F5: variants seen among roughly 807,000 people sequenced by gnomAD.
The protein encoded by F5 is activated protein c cofactor.
In F5, 138 loss-of-function variants were observed where a neutral mutation model predicts 216.4. The observed-to-expected ratio is 0.64, with a 90% CI of 0.56 to 0.73. F5 has a LOEUF of 0.73. F5 is among the 30% of genes least tolerant of loss of function. F5 has a pLI of 0.00. For synonymous variants in F5, 916 were observed against 930.7 expected (o/e 0.98, Z 0.29); for missense variants, 2,403 against 2,674.0 (o/e 0.90, Z 2.24).
intron 2 of F5, among the ~76,000 whole-genome samples, chr1:169,577,390 A>C (rs1660878357): frequency 6.6e-6 from 1 of 151,080 alleles, no homozygotes; most frequent in South Asian, 2.1e-4. Context: ...ATTTATTTAG[A>C]GATGAGGTCT....
chr1:169,585,692 CA>C (rs1302151470), intron 1 of F5, among the ~76,000 whole-genome samples: 2 of 152,054 alleles, frequency 1.3e-5, no homozygotes, highest in East Asian at 3.9e-4. Context: ...GGTGAAAGTA[CA>C]AAAACATACA....
chr1:169,554,594 ATATGCAT>A (rs1159449953), intron 7 of F5, among the ~76,000 whole-genome samples: 1 of 152,224 alleles, frequency 6.6e-6, no homozygotes, highest in Non-Finnish European at 1.5e-5. Flanking sequence ...GTCAAAGGGT[ATATGCAT>A]TTAGAATTTT....
chr1:169,527,649 T>G (rs761910347), intron 17 of F5, among the ~76,000 whole-genome samples: 3 of 152,156 alleles, frequency 2.0e-5, no homozygotes, highest in Non-Finnish European at 2.9e-5. Context: ...TGACACACAG[T>G]GGCTTGGGAG....
chr1:169,538,289 T>C (rs540380483), intron 13 of F5, among the ~76,000 whole-genome samples: 63 of 152,160 alleles, frequency 4.1e-4, no homozygotes, highest in South Asian at 1.5e-3. Context: ...AACATTGAGC[T>C]CATAGAAGCA....
intron 17 of F5, among the ~76,000 whole-genome samples, chr1:169,527,565 T>A (rs564741402): frequency 1.1e-4 from 17 of 152,128 alleles, no homozygotes; most frequent in Non-Finnish European, 2.4e-4. Flanking sequence ...CTGGAAACCC[T>A]CCCAGCAGAG....
chr1:169,550,314 G>A (rs1242029210), intron 9 of F5, among the ~76,000 whole-genome samples: 2 of 108,108 alleles, frequency 1.8e-5, no homozygotes, highest in Admixed American at 1.2e-4. Flanking sequence ...AGGCCCCGGT[G>A]TGTGATGTTC....
chr1:169,568,349 G>A (rs528258062), intron 3 of F5, among the ~76,000 whole-genome samples: 2 of 151,980 alleles, frequency 1.3e-5, no homozygotes, highest in African/African-American at 2.4e-5. Flanking sequence ...AGACAATTGG[G>A]GTGTAATTTT....
At position 169,528,049 on chromosome 1, in the gene F5, TCATA is replaced by T; in HGVS notation, c.5461_5464del (p.Tyr1821SerfsTer5). 1 of 1,613,896 alleles carries T rather than the reference TCATA, an allele frequency of 6.2e-7. No homozygotes were observed. The highest frequency in any genetic ancestry group is 8.5e-7 in the Non-Finnish European group (1 of 1,179,836). Reference sequence around the variant, plus strand: ...CAGGTGTAACCTCACCCACTCTTGCTCATACATTTTCAGGCCAGGCAAGCTGTAG... The same window carrying T: ...CAGGTGTAACCTCACCCACTCTTGCTCATTTTCAGGCCAGGCAAGCTGTAG... On this transcript the variant is annotated frameshift_variant, in exon 17 of 25. Coordinates refer to ENST00000367797, the MANE Select transcript of F5 (RefSeq NM_000130.5). LOFTEE classifies it high-confidence loss of function.
intron 22 of F5, among the ~76,000 whole-genome samples, chr1:169,519,373 T>C (rs920534312): frequency 6.6e-6 from 1 of 152,206 alleles, no homozygotes; most frequent in Non-Finnish European, 1.5e-5. Context: ...CAGAATTGAA[T>C]GTCACATTTT....
intron 18 of F5, 113 bp downstream of exon 18, chr1:169,525,788 G>T (rs1571562594): frequency 2.5e-6 from 2 of 811,562 alleles, no homozygotes; most frequent in Non-Finnish European, 2.2e-6. Flanking sequence ...TACAAATTAT[G>T]CCTTTGTCAC....
In F5 at chr1:169,528,061, A is replaced by G; in HGVS notation, c.5453T>C (p.Leu1818Pro). The G allele has an allele frequency of 1.9e-6, 3 of 1,613,940 alleles. No individual in the cohort carries two copies. The highest frequency in any genetic ancestry group is 1.7e-6 in the Non-Finnish European group (2 of 1,179,844). Residue 1818 changes from leucine to proline, a missense_variant, in exon 17 of 25, where the codon CTG becomes CCG. Around this residue, in one of 4 missense-constraint regions of F5, gnomAD observed 659 missense variants for 787.9 expected, o/e 0.84. Coordinates refer to ENST00000367797, the MANE Select transcript of F5 (RefSeq NM_000130.5). ...CACCCACTCTTGCTCATACATTTTC[A>G]GGCCAGGCAAGCTGTAGATCATCCC... ...INGMIYSLPG[L>P]KMYEQEWVRL... is the part of the protein sequence containing the mutation.
chr1:169,573,245 G>A (rs539992091), intron 2 of F5, among the ~76,000 whole-genome samples: 4 of 152,146 alleles, frequency 2.6e-5, no homozygotes, highest in Non-Finnish European at 4.4e-5. Context: ...ACCACGCCTC[G>A]TCTAAGTGAA....
intron 3 of F5, among the ~76,000 whole-genome samples, chr1:169,566,452 A>C (rs1660602517): frequency 6.6e-6 from 1 of 151,824 alleles, no homozygotes; most frequent in African/African-American, 2.4e-5. Flanking sequence ...ATCATCTTAC[A>C]CCCTTCTTGA....
Position 169,542,315 on chromosome 1 carries a change from C to A in F5, c.2775G>T (p.Lys925Asn). 6.3e-7 allele frequency: 1 copy of A among 1,599,384 alleles called. No individual in the cohort carries two copies. The highest frequency in any genetic ancestry group is 8.6e-7 in the Non-Finnish European group (1 of 1,168,310). Residue 925 changes from lysine to asparagine, a missense_variant, in exon 13 of 25, where the codon AAG (lysine) becomes AAT (asparagine). By Grantham distance (94) the Lys-to-Asn change is moderately conservative. Coordinates refer to ENST00000367797, the MANE Select transcript of F5 (RefSeq NM_000130.5). ...TGSPSRMRPW[K>N]DPPSDLLLLK... ...AGAGTAACAGATCACTAGGAGGGTC[C>A]TTCCAGGGCCTCATTCTGGAAGGAG...
intron 1 of F5, among the ~76,000 whole-genome samples, chr1:169,585,218 C>G (rs1357948154): frequency 6.6e-6 from 1 of 151,958 alleles, no homozygotes; most frequent in Non-Finnish European, 1.5e-5. Context: ...ATTATAAGAC[C>G]AAGATGGTAT....
intron 3 of F5, among the ~76,000 whole-genome samples, chr1:169,569,549 G>T (rs1660680387): frequency 6.6e-6 from 1 of 152,108 alleles, no homozygotes; most frequent in Non-Finnish European, 1.5e-5. Flanking sequence ...TTTGATGCAT[G>T]CTAGTTACAG....
chr1:169,518,212 A>C (rs1007325332), intron 23 of F5, among the ~76,000 whole-genome samples, 200 bp downstream of exon 23: 9 of 152,204 alleles, frequency 5.9e-5, no homozygotes, highest in African/African-American at 1.9e-4. Context: ...CACAGAGATG[A>C]TAAATGACTT....
At chr1:169,572,439 T>C in intron 2 of F5, 96 bp from the exon 3 acceptor site, 1 of 1,447,226 alleles carries the variant, frequency 6.9e-7, no homozygotes, top group Admixed American at 1.7e-5. Context: ...CAAGAGTGAT[T>C]GCTACCATTC....
intron 1 of F5, 46 bp from the exon 2 acceptor site, chr1:169,582,568 C>A: frequency 9.9e-7 from 1 of 1,005,596 alleles, no homozygotes. Flanking sequence ...TATTCAATAT[C>A]TATTTCTCAC....
Sources: gnomAD v4.1 joint callset for allele counts (sites outside exome capture counted in the v4.1 genomes callset) on GRCh38, gnomAD v4.1.1 for gene constraint, gnomAD v4.1.1 regional missense constraint, MANE v1.5 for transcripts, NCBI Gene and HGNC (gene_info 2026-07-23, HGNC 2026-07-21) for gene names.